The following KIRREL3 variants were observed in gnomAD, a reference collection of about 807,000 sequenced individuals.
KIRREL3 encodes the protein kirre like nephrin family adhesion molecule 3, also known as kin of IRRE-like protein 3.
KIRREL3 carries 36 observed loss-of-function variants against 89.7 expected under a neutral mutation model. The observed-to-expected ratio is 0.40, with a 90% CI of 0.31 to 0.53. The LOEUF (loss-of-function observed/expected upper bound fraction) is 0.53. KIRREL3 is among the 20% of genes least tolerant of loss of function. The pLI is 0.49. For missense variants in KIRREL3, 864 were observed against 1,056.6 expected, an observed-to-expected ratio of 0.82 and a Z score of 2.53; for synonymous variants, 445 against 441.4, an observed-to-expected ratio of 1.01 and a Z score of -0.10.
At chr11:126,548,254 C>T (rs1938974035) in intron 2 of KIRREL3, among the ~76,000 whole-genome samples, 1 of 152,240 alleles carries the variant, frequency 6.6e-6, no homozygotes, top group Non-Finnish European at 1.5e-5. Flanking sequence ...GCTGCTGACT[C>T]TCTCAGTGCC....
rs1221365843 is a variant in KIRREL3, at chr11:126,761,807, G to A, written c.56-198895C>T. ...TATCTTCATTCCTATGAACTCTCTT[G>A]GGAAGAAGTCTCCCTAGGAAGCTGC... On this transcript the variant is annotated intron_variant, in intron 1 of 16. Coordinates refer to ENST00000525144, the MANE Select transcript of KIRREL3 (RefSeq NM_032531.4). The surrounding 1 kb of genome is among the most constrained non-coding windows in gnomAD (Gnocchi z 4.4). 6.6e-6 allele frequency among the ~76,000 whole-genome samples: 1 copy of A among 152,096 alleles called. No homozygotes were observed. Among genetic ancestry groups the A allele is most frequent in the East Asian group, 1.9e-4 (1 of 5,188 alleles).
Position 126,668,134 on chromosome 11 carries a change from T to G in KIRREL3, c.56-105222A>C, listed in dbSNP as rs1216213495. 1.3e-5 allele frequency among the ~76,000 whole-genome samples: 2 copies of G among 152,140 alleles called. No homozygotes were observed. The highest frequency in any genetic ancestry group is 2.9e-5 in the Non-Finnish European group (2 of 68,010). On this transcript the variant is annotated intron_variant, in intron 1 of 16. Coordinates refer to ENST00000525144, the MANE Select transcript of KIRREL3 (RefSeq NM_032531.4). The surrounding 1 kb of genome is among the most constrained non-coding windows in gnomAD (Gnocchi z 4.4). The stretch of plus-strand genomic sequence containing the variant: ...TGGGTGGTTTATAAACAACAGAAAT[T>G]TATTTCTTACAGATCTAGAGGCTGA...
rs1039480024 is a variant in KIRREL3, at chr11:126,977,393, C to A, written c.55+23062G>T. Among the ~76,000 whole-genome samples, 1 of 152,156 alleles carries A rather than the reference C, an allele frequency of 6.6e-6. No homozygotes were observed. On this transcript the variant is annotated intron_variant, in intron 1 of 16. Coordinates refer to ENST00000525144, the MANE Select transcript of KIRREL3 (RefSeq NM_032531.4). The surrounding 1 kb of genome is among the most constrained non-coding windows in gnomAD (Gnocchi z 4.7). ...GCCACCTTTCTTTTTCATCACCCAG[C>A]TTTTCATATTGTTTATTTTCTACTG...
In KIRREL3 at chr11:126,709,328, T is replaced by C. The variant is rs1947664305; in HGVS notation, c.56-146416A>G. Among the ~76,000 whole-genome samples the C allele has an allele frequency of 6.6e-6, 1 of 152,154 alleles. No homozygotes were observed. The highest frequency in any genetic ancestry group is 2.4e-5 in the African/African-American group (1 of 41,440). On this transcript the variant is annotated intron_variant, in intron 1 of 16. Coordinates refer to ENST00000525144, the MANE Select transcript of KIRREL3 (RefSeq NM_032531.4). This position sits in a 1 kb window ranked among gnomAD's most constrained non-coding sequence, Gnocchi z 4.0. ...TGACCTTTGGGGTTCCAATCAGTCCTATCTCTTCCCCGGGAGTAGGGGTGG... is the reference window on the plus strand; with the variant it reads ...TGACCTTTGGGGTTCCAATCAGTCCCATCTCTTCCCCGGGAGTAGGGGTGG...
In KIRREL3 at chr11:126,740,210, A is replaced by G. The variant is rs1378814790; in HGVS notation, c.56-177298T>C. ...GCATCTAATTATGTTTTCTCTCCAC[A>G]TTCATTTTGAGCAGGTAATAAAGGC... On this transcript the variant is annotated intron_variant, in intron 1 of 16. Coordinates refer to ENST00000525144, the MANE Select transcript of KIRREL3 (RefSeq NM_032531.4). The surrounding 1 kb of genome is among the most constrained non-coding windows in gnomAD (Gnocchi z 6.0). Among the ~76,000 whole-genome samples the G allele has an allele frequency of 1.3e-5, 2 of 152,080 alleles. No individual in the cohort carries two copies. The highest frequency in any genetic ancestry group is 4.8e-5 in the African/African-American group (2 of 41,418).
chr11:126,512,269 C>T (rs769671279), intron 4 of KIRREL3, among the ~76,000 whole-genome samples: 17 of 152,342 alleles, frequency 1.1e-4, no homozygotes, highest in African/African-American at 2.4e-4. Flanking sequence ...TCTATCAGGG[C>T]GACACTGATG....
rs1591808206 is a variant in KIRREL3, at chr11:126,605,992, G to A, written c.56-43080C>T. 2.6e-5 allele frequency among the ~76,000 whole-genome samples: 4 copies of A among 152,336 alleles called. No homozygotes were observed. In the East Asian group the frequency reaches 7.7e-4, roughly 29 times the overall value. ...GAGCAGTGAGCCATAGTGTGGTCCA[G>A]AGGGACGCAGGCCATCTTGGGAAGG... On this transcript the variant is annotated intron_variant, in intron 1 of 16. Transcript: ENST00000525144. This position sits in a 1 kb window ranked among gnomAD's most constrained non-coding sequence, Gnocchi z 5.7.
chr11:126,629,569 A>T (rs1943933774), intron 1 of KIRREL3, among the ~76,000 whole-genome samples: 1 of 152,196 alleles, frequency 6.6e-6, no homozygotes, highest in Non-Finnish European at 1.5e-5. Context: ...GTGCTCCTCC[A>T]GATCCATGTC....
At position 126,427,347 on chromosome 11, in the gene KIRREL3, G is replaced by C. The variant is rs1954982992; in HGVS notation, c.1807-1623C>G. 1.3e-5 allele frequency among the ~76,000 whole-genome samples: 2 copies of C among 152,124 alleles called. No homozygotes were observed. Among genetic ancestry groups the C allele is most frequent in the Admixed American group, 6.5e-5 (1 of 15,274 alleles). ...GCCCTTGAGGAGCTCTGGGATAACT[G>C]GGGAAGCTGACATGGAATTGGGGGA... On this transcript the variant is annotated intron_variant, in intron 15 of 16. Coordinates refer to ENST00000525144, the MANE Select transcript of KIRREL3 (RefSeq NM_032531.4). This position sits in a 1 kb window ranked among gnomAD's most constrained non-coding sequence, Gnocchi z 5.3.
At chr11:126,950,117 T>A (rs927591409) in intron 1 of KIRREL3, among the ~76,000 whole-genome samples, 1 of 152,210 alleles carries the variant, frequency 6.6e-6, no homozygotes, top group Non-Finnish European at 1.5e-5. Flanking sequence ...CTCACGCCTA[T>A]AATCCCAGCA....
At chr11:126,777,973 T>C (rs2134319103) in intron 1 of KIRREL3, among the ~76,000 whole-genome samples, 1 of 151,528 alleles carries the variant, frequency 6.6e-6, no homozygotes, top group East Asian at 1.9e-4. Context: ...GCCTGCTGCA[T>C]GGTTGCAAGG....
rs957556715 is a variant in KIRREL3, at chr11:126,578,925, C to T, written c.56-16013G>A. On this transcript the variant is annotated intron_variant, in intron 1 of 16. Transcript: ENST00000525144. The surrounding 1 kb of genome is among the most constrained non-coding windows in gnomAD (Gnocchi z 4.9). ...TTTCACACACTCTCTCACTTATCCT[C>T]ACCATGCCTAGAGATGGGACTTTGT... Among the ~76,000 whole-genome samples, 4 of 152,210 alleles carry T rather than the reference C, an allele frequency of 2.6e-5. No homozygotes were observed. The highest frequency in any genetic ancestry group is 6.5e-5 in the Admixed American group (1 of 15,282).
rs562422598 is a variant in KIRREL3, at chr11:126,576,626, G to T, written c.56-13714C>A. Among the ~76,000 whole-genome samples, 2 of 152,200 alleles carry T rather than the reference G, an allele frequency of 1.3e-5. No individual in the cohort carries two copies. The highest frequency in any genetic ancestry group is 2.9e-5 in the Non-Finnish European group (2 of 68,042). ...CCAAACCCTCTCTCAGGCTGGCAGT[G>T]TGCCACCCACCACAGCTTGGCCTTG... On this transcript the variant is annotated intron_variant, in intron 1 of 16. Transcript: ENST00000525144. The surrounding 1 kb of genome is among the most constrained non-coding windows in gnomAD (Gnocchi z 5.4).
At chr11:126,850,243 T>C (rs1208310207) in intron 1 of KIRREL3, among the ~76,000 whole-genome samples, 1 of 152,234 alleles carries the variant, frequency 6.6e-6, no homozygotes, top group East Asian at 1.9e-4. Flanking sequence ...ATGACCACCC[T>C]ATCAGATGGA....
intron 1 of KIRREL3, among the ~76,000 whole-genome samples, chr11:126,923,213 CTTCT>C (rs1565423573): frequency 0.012 from 239 of 19,222 alleles, 57 homozygotes; most frequent in South Asian, 0.028. Flanking sequence ...TCTTCTTCTT[CTTCT>C]TCTTCTTCTT....
At chr11:126,458,542 A>G (rs187159844) in intron 6 of KIRREL3, among the ~76,000 whole-genome samples, 45 of 152,302 alleles carry the variant, frequency 3.0e-4, no homozygotes, top group African/African-American at 1.1e-3. Flanking sequence ...GCCTAGTGCC[A>G]GGCACGGGAG....
intron 7 of KIRREL3, among the ~76,000 whole-genome samples, chr11:126,451,036 CAT>C (rs371505915): frequency 6.0e-4 from 79 of 132,320 alleles, no homozygotes; most frequent in African/African-American, 1.2e-3. Context: ...TGCATGTGTA[CAT>C]GTGTGAGCAT....
Position 126,867,499 on chromosome 11 carries a change from C to T in KIRREL3, c.55+132956G>A, listed in dbSNP as rs1039192395. ...GTTACTCTTTCTGTAACTCAGCCAG[C>T]CCTTTCTGATAAGTCACTTCCCCAA... On this transcript the variant is annotated intron_variant, in intron 1 of 16. Coordinates refer to ENST00000525144, the MANE Select transcript of KIRREL3 (RefSeq NM_032531.4). The surrounding 1 kb of genome is among the most constrained non-coding windows in gnomAD (Gnocchi z 4.7). Among the ~76,000 whole-genome samples the T allele has an allele frequency of 1.3e-5, 2 of 152,216 alleles. No individual in the cohort carries two copies. The highest frequency in any genetic ancestry group is 2.9e-5 in the Non-Finnish European group (2 of 68,030).
intron 1 of KIRREL3, among the ~76,000 whole-genome samples, chr11:126,616,347 A>T (rs1179196437): frequency 1.1e-4 from 17 of 152,316 alleles, no homozygotes; most frequent in Admixed American, 1.0e-3. Flanking sequence ...GCACAGCCTG[A>T]CAAGCTGTGC....
Sources: allele counts gnomAD v4.1 joint callset (sites outside exome capture counted in the v4.1 genomes callset), GRCh38; gene constraint gnomAD v4.1.1; non-coding constraint Gnocchi (gnomAD v3.1); transcripts MANE v1.5; gene names NCBI Gene and HGNC (gene_info 2026-07-23, HGNC 2026-07-21).